CIART: variants seen among roughly 807,000 people sequenced by gnomAD.
The protein encoded by CIART is circadian associated repressor of transcription.
Under a neutral mutation model 22.1 loss-of-function variants are expected in CIART, and 7 were observed. That is an observed-to-expected ratio of 0.32 (90% CI 0.18 to 0.59). The LOEUF is 0.59. CIART is among the 20% of genes least tolerant of loss of function. The pLI, the probability that CIART is intolerant of heterozygous loss-of-function variation, is 0.86. For missense variants in CIART, 440 were observed against 478.0 expected (o/e 0.92, Z 0.74); for synonymous variants, 163 against 174.6 (o/e 0.93, Z 0.53).
At position 150,286,917 on chromosome 1, in the gene CIART, C is replaced by T. The variant is rs1653528519; in HGVS notation, c.1121C>T (p.Pro374Leu). 6.3e-7 allele frequency: 1 copy of T among 1,593,896 alleles called. No individual in the cohort carries two copies. The highest frequency in any genetic ancestry group is 8.6e-7 in the Non-Finnish European group (1 of 1,167,914). The stretch of plus-strand genomic sequence containing the variant: ...CACCGGGAGCAGCAGAGAAGCCATC[C>T]TCCAGTTGCTGCTGATGCTCATCTT... Reference protein sequence around the residue: ...IGHREQQRSHPPVAADAHLLN... With the variant: ...IGHREQQRSHLPVAADAHLLN... Residue 374 changes from proline to leucine, a missense_variant, in exon 5 of 5, where the codon CCT (proline) becomes CTT (leucine). Coordinates refer to ENST00000290363, the MANE Select transcript of CIART (RefSeq NM_144697.4).
At chr1:150,284,780 C>T in intron 4 of CIART, 72 bp downstream of exon 4, 1 of 1,121,634 alleles carries the variant, frequency 8.9e-7, no homozygotes, top group South Asian at 1.3e-5. Flanking sequence ...CAGAAATGGC[C>T]CCTTTTGCCA....
At chr1:150,284,813 A>T in intron 4 of CIART, 105 bp downstream of exon 4, 1 of 781,470 alleles carries the variant, frequency 1.3e-6, no homozygotes, top group East Asian at 2.6e-5. Context: ...TCTTTTCTTC[A>T]AGTTTCTTTT....
Position 150,283,253 on chromosome 1 carries a change from C to T in CIART, c.-15C>T, listed in dbSNP as rs1553853860. 6.6e-7 allele frequency: 1 copy of T among 1,511,216 alleles called. No individual in the cohort carries two copies. The highest frequency in any genetic ancestry group is 1.4e-5 in the African/African-American group (1 of 71,500). The allele number at this position is 1,511,216 out of a possible 1,614,324, so 93.6% of individuals were successfully genotyped here. A position where few individuals can be genotyped will look rare whatever the true frequency, so the allele number is the denominator to read the frequency against. ...GTACTCCAGGAGCTGTTCTATAGCC[C>T]CTGCTTCTGGACCTATGGATTCTCC... On this transcript the variant is annotated 5_prime_UTR_variant, in exon 1 of 5. Coordinates refer to ENST00000290363, the MANE Select transcript of CIART (RefSeq NM_144697.4).
intron 4 of CIART, chr1:150,284,973 G>A (rs941801231): frequency 2.3e-5 from 11 of 480,102 alleles, no homozygotes; most frequent in East Asian, 1.2e-4. Flanking sequence ...TGCTTTCTGC[G>A]TAGATACAAA....
In CIART at chr1:150,283,098, A is replaced by G. The variant is rs1653240647; in HGVS notation, c.-170A>G. 1 of 597,902 alleles carries G rather than the reference A, an allele frequency of 1.7e-6. No homozygotes were observed. The highest frequency in any genetic ancestry group is 4.4e-5 in the South Asian group (1 of 22,864). The allele number at this position is 597,902 out of a possible 1,614,324, so 37.0% of individuals were successfully genotyped here. On this transcript the variant is annotated 5_prime_UTR_variant, in exon 1 of 5. Transcript: ENST00000290363. ...TTTTCTATTGTGTTTGAGACCGGTAATATTGGGGAGGGGGAGAACAAGTAT... is the reference window on the plus strand; with the variant it reads ...TTTTCTATTGTGTTTGAGACCGGTAGTATTGGGGAGGGGGAGAACAAGTAT...
rs1262422116 is a variant in CIART at position 150,283,198 on chromosome 1, T to TG, written c.-69dup. 1.4e-6 allele frequency: 2 copies of TG among 1,416,568 alleles called. No homozygotes were observed. The highest frequency in any genetic ancestry group is 4.8e-5 in the Admixed American group (2 of 41,468). The allele number at this position is 1,416,568 out of a possible 1,614,324, so 87.7% of individuals were successfully genotyped here. A position where few individuals can be genotyped will look rare whatever the true frequency, so the allele number is the denominator to read the frequency against. The stretch of plus-strand genomic sequence containing the variant: ...ACTCTGGTTTCAAACTCCCTCGCTT[T>TG]GCTCTTCAGTTGCAGGTTCCGATCT... On this transcript the variant is annotated 5_prime_UTR_variant, in exon 1 of 5. Transcript: ENST00000290363.
At chr1:150,286,298 CT>C in intron 4 of CIART, 131 bp from the exon 5 acceptor site, 2 of 785,884 alleles carry the variant, frequency 2.5e-6, no homozygotes, top group Non-Finnish European at 4.1e-6. Context: ...AAGATCATAT[CT>C]GTTGCATAAA....
intron 2 of CIART, 107 bp from the exon 3 acceptor site, chr1:150,284,319 C>G: frequency 8.8e-7 from 1 of 1,133,552 alleles, no homozygotes; most frequent in Admixed American, 1.8e-5. Context: ...TTGCCTGGCC[C>G]GACTTAATTT....
chr1:150,285,479 T>C (rs1444695643), intron 4 of CIART: 1 of 149,864 alleles, frequency 6.7e-6, no homozygotes, highest in Non-Finnish European at 1.4e-5. Flanking sequence ...GAGGTTGCGG[T>C]GAGCCGAGAT....
At chr1:150,285,747 A>G (rs925638701) in intron 4 of CIART, among the ~76,000 whole-genome samples, 2 of 151,852 alleles carry the variant, frequency 1.3e-5, no homozygotes, top group Non-Finnish European at 2.9e-5. Context: ...AGGCCAAAGC[A>G]GGAGGATTGC....
In CIART at chr1:150,286,547, A is replaced by C; in HGVS notation, c.751A>C (p.Thr251Pro). Residue 251 changes from threonine to proline, a missense_variant, in exon 5 of 5, where the codon ACA (threonine) becomes CCA (proline). By Grantham distance (38) the Thr-to-Pro change is conservative. Coordinates refer to ENST00000290363, the MANE Select transcript of CIART (RefSeq NM_144697.4). The part of the protein sequence containing the change: ...ALKPKQPWHL[T>P]QWPAMNLTWI... ...AAAACCAAAGCAGCCTTGGCACCTC[A>C]CACAATGGCCAGCTATGAACCTCAC... The C allele has an allele frequency of 1.2e-6, 2 of 1,603,742 alleles. No homozygotes were observed. The highest frequency in any genetic ancestry group is 1.7e-6 in the Non-Finnish European group (2 of 1,170,616).
At position 150,286,526 on chromosome 1, in the gene CIART, C is replaced by T; in HGVS notation, c.730C>T (p.Pro244Ser). The change falls in exon 5 of 5, where the codon CCA (proline) becomes TCA (serine). Residue 244 changes from proline to serine, a missense_variant. Coordinates refer to ENST00000290363, the MANE Select transcript of CIART (RefSeq NM_144697.4). ...ACAGCTAGGACATCTAGCTTTAAAA[C>T]CAAAGCAGCCTTGGCACCTCACACA... ...QTQLGHLALK[P>S]KQPWHLTQWP... 1.3e-6 allele frequency: 2 copies of T among 1,596,228 alleles called. No homozygotes were observed. The highest frequency in any genetic ancestry group is 8.6e-7 in the Non-Finnish European group (1 of 1,163,832).
Position 150,283,536 on chromosome 1 carries a change from C to G in CIART, c.269C>G (p.Ala90Gly), listed in dbSNP as rs969579527. ...PKQRGSASPM[A>G]GSGAKRSRDG... is the part of the protein sequence containing the mutation. ...CAGCGGGGTTCGGCTTCTCCTATGG[C>G]AGGATCTGGGGCGAAAAGATCAAGA... The change falls in exon 1 of 5, where the codon GCA becomes GGA. Residue 90 changes from alanine to glycine, a missense_variant. By Grantham distance (60) the Ala-to-Gly change is moderately conservative. Transcript: ENST00000290363. 2 of 1,614,074 alleles carry G rather than the reference C, an allele frequency of 1.2e-6. No individual in the cohort carries two copies. Among genetic ancestry groups the G allele is most frequent in the Non-Finnish European group, 1.7e-6 (2 of 1,180,038 alleles).
chr1:150,284,546 A>C, intron 3 of CIART, 42 bp downstream of exon 3: 1 of 1,595,198 alleles, frequency 6.3e-7, no homozygotes, highest in Non-Finnish European at 8.6e-7. Context: ...CATAAAAAGG[A>C]GATTTCTCCA....
chr1:150,284,783 T>C (rs1572130055), intron 4 of CIART, 75 bp downstream of exon 4: 1 of 1,076,726 alleles, frequency 9.3e-7, no homozygotes, highest in Non-Finnish European at 1.4e-6. Context: ...AAATGGCCCC[T>C]TTTGCCATTT....
At chr1:150,283,943 C>T (rs1401915983) in intron 2 of CIART, 63 bp downstream of exon 2, 11 of 1,318,158 alleles carry the variant, frequency 8.3e-6, no homozygotes, top group African/African-American at 7.3e-5. Context: ...CCTCTTTTGA[C>T]GTGTATTTCT....
intron 4 of CIART, chr1:150,285,113 C>T: frequency 1.9e-5 from 4 of 209,302 alleles, no homozygotes; most frequent in South Asian, 7.2e-5. Context: ...TATCCTTGTG[C>T]CAAACCCTTT....
rs782655163 is a variant in CIART at position 150,286,455 on chromosome 1, C to G, written c.659C>G (p.Ser220Ter). ...TKHFPSHHSD[S>*]AASSPASPME... ...CATTTTCCAAGCCACCACAGTGATTCAGCTGCTTCCTCTCCTGCATCTCCT... is the reference window on the plus strand; with the variant it reads ...CATTTTCCAAGCCACCACAGTGATTGAGCTGCTTCCTCTCCTGCATCTCCT... The change falls in exon 5 of 5, where the codon TCA becomes TGA. Residue 220 changes from serine to a stop codon, truncating the protein, a stop_gained. Transcript: ENST00000290363. LOFTEE classifies it low-confidence loss of function (END_TRUNC). 2.5e-6 allele frequency: 4 copies of G among 1,587,398 alleles called. No homozygotes were observed. In the South Asian group the frequency reaches 4.4e-5, roughly 18 times the overall value.
rs1653290915 is a variant in CIART, at chr1:150,283,650, G to A, written c.366+17G>A. 3.1e-6 allele frequency: 5 copies of A among 1,611,762 alleles called. No individual in the cohort carries two copies. The African/African-American group carries it at 5.3e-5, about 17-fold the overall frequency. On this transcript the variant is annotated intron_variant, in intron 1 of 4. Coordinates refer to ENST00000290363, the MANE Select transcript of CIART (RefSeq NM_144697.4). Reference sequence around the variant, plus strand: ...GCCCAGAAGGTAAGAGAAAGCAGGTGAAAGGAGATTCTCCTGGAGTGCCTT... The same window carrying A: ...GCCCAGAAGGTAAGAGAAAGCAGGTAAAAGGAGATTCTCCTGGAGTGCCTT...
Sources: gnomAD v4.1 joint callset for allele counts (sites outside exome capture counted in the v4.1 genomes callset) on GRCh38, gnomAD v4.1.1 for gene constraint, MANE v1.5 for transcripts, NCBI Gene and HGNC (gene_info 2026-07-23, HGNC 2026-07-21) for gene names.